Variants in GABRB2 observed in about 807,000 individuals in gnomAD.
GABRB2 encodes gamma-aminobutyric acid receptor subunit beta-2.
Under a neutral mutation model 54.7 loss-of-function variants are expected in GABRB2, and 16 were observed. The observed-to-expected ratio is 0.29, with a 90% CI of 0.20 to 0.44. The LOEUF (loss-of-function observed/expected upper bound fraction) is 0.44, where lower values mean the gene tolerates loss of function less well. Ranked by LOEUF, GABRB2 falls within the 20% of genes least tolerant of loss-of-function variation. GABRB2 has a pLI of 1.00. For missense variants in GABRB2, 355 were observed against 644.0 expected, an observed-to-expected ratio of 0.55 and a Z score of 4.86; for synonymous variants, 244 against 233.8, an observed-to-expected ratio of 1.04 and a Z score of -0.40.
intron 4 of GABRB2, among the ~76,000 whole-genome samples, chr5:161,458,341 A>T (rs1758022418): frequency 1.3e-5 from 2 of 152,200 alleles, no homozygotes; most frequent in South Asian, 4.1e-4. Context: ...TGAGGCATGT[A>T]TGTGAGCAGT....
Position 161,292,380 on chromosome 5 carries a change from A to C in GABRB2, c.*1701T>G, listed in dbSNP as rs139564044. 3.6e-3 allele frequency: 545 copies of C among 152,340 alleles called. 3 individuals carry two copies. Among genetic ancestry groups the C allele is most frequent in the African/African-American group, 0.012 (519 of 41,596 alleles). 9.4% of individuals were successfully genotyped at this position (152,340 alleles called of 1,614,324 possible). A position where few individuals can be genotyped will look rare whatever the true frequency, so the allele number is the denominator to read the frequency against. On this transcript the variant is annotated 3_prime_UTR_variant, in exon 10 of 10. Transcript: ENST00000393959. Reference sequence around the variant, plus strand: ...CCAAGAAAAAGTTCAATCAAATTCAACTTTAAGGAAAATTTAGCAATTCAC... The same window carrying C: ...CCAAGAAAAAGTTCAATCAAATTCACCTTTAAGGAAAATTTAGCAATTCAC...
chr5:161,546,799 G>A (rs201597492), upstream of GABRB2: 49 of 1,092,136 alleles, frequency 4.5e-5, no homozygotes, highest in Middle Eastern at 3.4e-4. Context: ...AGATTTCCTT[G>A]TTTAAAAAAA....
chr5:161,397,139 T>C (rs985237046), intron 5 of GABRB2, among the ~76,000 whole-genome samples: 1 of 152,202 alleles, frequency 6.6e-6, no homozygotes, highest in Non-Finnish European at 1.5e-5. Flanking sequence ...TTTATCCTGT[T>C]AGCATGACCT....
chr5:161,322,532 G>A (rs897971488), intron 9 of GABRB2, among the ~76,000 whole-genome samples: 7 of 152,156 alleles, frequency 4.6e-5, no homozygotes, highest in Admixed American at 2.0e-4. Flanking sequence ...CACTGTGCCC[G>A]GAGAAGAAGT....
chr5:161,353,098 C>T (rs374206309), intron 5 of GABRB2, among the ~76,000 whole-genome samples: 2 of 152,018 alleles, frequency 1.3e-5, no homozygotes, highest in Non-Finnish European at 2.9e-5. Context: ...ATTCTGATTA[C>T]TTATATTTAT....
intron 9 of GABRB2, among the ~76,000 whole-genome samples, chr5:161,310,569 C>T (rs894152473): frequency 1.3e-5 from 2 of 152,122 alleles, no homozygotes; most frequent in South Asian, 4.1e-4. Context: ...ATCAGAAAAG[C>T]CTCATTATCA....
intron 4 of GABRB2, among the ~76,000 whole-genome samples, chr5:161,421,859 CATAAA>C (rs1168250422): frequency 6.6e-6 from 1 of 151,964 alleles, no homozygotes; most frequent in Non-Finnish European, 1.5e-5. Flanking sequence ...TTTTCTATAA[CATAAA>C]ATAAAATAAA....
intron 4 of GABRB2, among the ~76,000 whole-genome samples, chr5:161,418,477 T>A (rs1756747412): frequency 6.6e-6 from 1 of 152,134 alleles, no homozygotes. Flanking sequence ...TCTCCCACCA[T>A]ATACAAAAAT....
intron 3 of GABRB2, among the ~76,000 whole-genome samples, chr5:161,490,438 C>T (rs949207224): frequency 1.3e-4 from 19 of 151,594 alleles, no homozygotes; most frequent in Non-Finnish European, 2.4e-4. Context: ...ACATAGGCAC[C>T]TCCTAAAGCC....
intron 3 of GABRB2, among the ~76,000 whole-genome samples, chr5:161,524,487 T>C (rs1182954478): frequency 6.6e-6 from 1 of 151,674 alleles, no homozygotes; most frequent in Admixed American, 6.6e-5. Flanking sequence ...GAGCACCAGA[T>C]TGTACATAAA....
chr5:161,404,500 T>C (rs1340719991), intron 5 of GABRB2, among the ~76,000 whole-genome samples: 4 of 151,982 alleles, frequency 2.6e-5, no homozygotes, highest in Non-Finnish European at 5.9e-5. Flanking sequence ...CACACACACA[T>C]AAACAGACAC....
chr5:161,541,393 C>A lies in GABRB2; in HGVS notation c.237+3834G>T, dbSNP rs576302221. Among the ~76,000 whole-genome samples, 65 of 152,276 alleles carry A rather than the reference C, an allele frequency of 4.3e-4. 1 individual carries two copies. Among genetic ancestry groups the A allele is most frequent in the Admixed American group, 3.9e-4 (6 of 15,300 alleles). On this transcript the variant is annotated intron_variant, in intron 3 of 9. Transcript: ENST00000393959. ...ACAAAAGTCAACCTGTGCCTTGAAGCTTTGAAGCCAGGCATTGACTTCTCC... is the reference window on the plus strand; with the variant it reads ...ACAAAAGTCAACCTGTGCCTTGAAGATTTGAAGCCAGGCATTGACTTCTCC...
intron 8 of GABRB2, 46 bp downstream of exon 8, chr5:161,330,837 C>T: frequency 6.2e-7 from 1 of 1,612,642 alleles, no homozygotes; most frequent in Non-Finnish European, 8.5e-7. Context: ...TGCTAGCATT[C>T]TTCCATGAGT....
At chr5:161,346,956 T>G (rs1028381657) in intron 5 of GABRB2, among the ~76,000 whole-genome samples, 4 of 152,028 alleles carry the variant, frequency 2.6e-5, no homozygotes, top group South Asian at 2.1e-4. Context: ...AGACTGAACT[T>G]GTGTTAGAAG....
chr5:161,439,346 A>G (rs1482800258), intron 4 of GABRB2, among the ~76,000 whole-genome samples: 2 of 152,188 alleles, frequency 1.3e-5, no homozygotes, highest in Non-Finnish European at 2.9e-5. Flanking sequence ...TTCCCAGATG[A>G]ACAAAAACTG....
intron 3 of GABRB2, among the ~76,000 whole-genome samples, chr5:161,534,029 C>T (rs1439130657): frequency 6.6e-6 from 1 of 152,162 alleles, no homozygotes; most frequent in Non-Finnish European, 1.5e-5. Context: ...GTTTTTCCCA[C>T]AATGTGCTAA....
intron 3 of GABRB2, among the ~76,000 whole-genome samples, chr5:161,527,553 A>C (rs750018329): frequency 6.6e-6 from 1 of 151,608 alleles, no homozygotes; most frequent in African/African-American, 2.4e-5. Context: ...GTTATTATAC[A>C]AGGAAATAAG....
chr5:161,538,974 G>A (rs1437070933), intron 3 of GABRB2, among the ~76,000 whole-genome samples: 3 of 152,192 alleles, frequency 2.0e-5, no homozygotes, highest in Non-Finnish European at 4.4e-5. Context: ...TTTAAACTGT[G>A]CAGCTGGTGA....
At chr5:161,436,544 A>AG (rs386405488) in intron 4 of GABRB2, among the ~76,000 whole-genome samples, 2 of 151,878 alleles carry the variant, frequency 1.3e-5, no homozygotes, top group South Asian at 2.1e-4. Context: ...AAAAAAAAAA[A>AG]AGAGAGAGAA....
Sources: gnomAD v4.1 joint callset for allele counts (sites outside exome capture counted in the v4.1 genomes callset) on GRCh38, gnomAD v4.1.1 for gene constraint, MANE v1.5 for transcripts, NCBI Gene and HGNC (gene_info 2026-07-23, HGNC 2026-07-21) for gene names.